The following FLACC1 variants were observed in gnomAD, a reference collection of about 807,000 sequenced individuals.
The protein encoded by FLACC1 is flagellum-associated coiled-coil domain-containing protein 1.
In FLACC1, 66 loss-of-function variants were observed where a neutral mutation model predicts 62.8. The observed-to-expected ratio is 1.05, with a 90% CI of 0.86 to 1.29. The LOEUF is 1.29. Ranked by LOEUF, FLACC1 falls within the 50% of genes most tolerant of loss-of-function variation. The pLI, the probability that FLACC1 is intolerant of heterozygous loss-of-function variation, is 0.00. For missense variants in FLACC1, 452 were observed against 489.1 expected, an observed-to-expected ratio of 0.92 and a Z score of 0.71; for synonymous variants, 156 against 161.0, an observed-to-expected ratio of 0.97 and a Z score of 0.24.
intron 11 of FLACC1, among the ~76,000 whole-genome samples, chr2:201,306,769 A>C (rs1350119704): frequency 6.6e-6 from 1 of 151,480 alleles, no homozygotes; most frequent in Admixed American, 6.6e-5. Flanking sequence ...GACAATATTT[A>C]CAACATGTAT....
chr2:201,336,013 A>G (rs1210575532), intron 7 of FLACC1, among the ~76,000 whole-genome samples: 1 of 151,644 alleles, frequency 6.6e-6, no homozygotes, highest in Non-Finnish European at 1.5e-5. Flanking sequence ...TTCCGTTTTT[A>G]TTTTAGGTTT....
chr2:201,359,633 A>G (rs1419464969), upstream of FLACC1, among the ~76,000 whole-genome samples: 3 of 152,184 alleles, frequency 2.0e-5, no homozygotes, highest in African/African-American at 4.8e-5. Context: ...AGGCAGTGCT[A>G]TCAGAGTTGG....
intron 9 of FLACC1, among the ~76,000 whole-genome samples, chr2:201,328,365 T>C (rs911672714): frequency 6.6e-6 from 1 of 152,074 alleles, no homozygotes; most frequent in African/African-American, 2.4e-5. Flanking sequence ...TTTTCTTTTC[T>C]TTTATATAAT....
chr2:201,291,972 GA>G (rs1353544438), intron 12 of FLACC1, among the ~76,000 whole-genome samples: 1 of 151,770 alleles, frequency 6.6e-6, no homozygotes. Flanking sequence ...GAGAAGTTTA[GA>G]AAAAAAAGAA....
At chr2:201,361,111 C>T (rs1951182761), upstream of FLACC1, among the ~76,000 whole-genome samples, 1 of 152,054 alleles carries the variant, frequency 6.6e-6, no homozygotes, top group Admixed American at 6.6e-5. Context: ...AAAACAAAAA[C>T]ACACGGGCCC....
chr2:201,324,483 T>G (rs1950465765), intron 9 of FLACC1, among the ~76,000 whole-genome samples: 1 of 152,174 alleles, frequency 6.6e-6, no homozygotes, highest in Admixed American at 6.5e-5. Flanking sequence ...AAAATGGACT[T>G]AAATGACATG....
intron 12 of FLACC1, among the ~76,000 whole-genome samples, chr2:201,291,817 A>G (rs1949742129): frequency 6.6e-6 from 1 of 152,228 alleles, no homozygotes; most frequent in Non-Finnish European, 1.5e-5. Context: ...TAACCAATGC[A>G]GAGAAGTCCT....
chr2:201,317,909 T>C (rs367956413), intron 9 of FLACC1, among the ~76,000 whole-genome samples: 2 of 152,196 alleles, frequency 1.3e-5, no homozygotes, highest in East Asian at 1.9e-4. Flanking sequence ...CATAGACCAA[T>C]GGAACAGAAC....
At chr2:201,363,187 T>C in the FLACC1 span, among the ~76,000 whole-genome samples, 51 of 151,594 alleles carry the variant, frequency 3.4e-4, no homozygotes, top group East Asian at 8.4e-3. Flanking sequence ...ACAGCGTGGC[T>C]CTCTCTGCTC....
intron 9 of FLACC1, among the ~76,000 whole-genome samples, chr2:201,325,570 G>A (rs1950486635): frequency 6.6e-6 from 1 of 152,004 alleles, no homozygotes; most frequent in African/African-American, 2.4e-5. Context: ...AAAACCTAGA[G>A]GAAATAGACA....
intron 7 of FLACC1, 117 bp downstream of exon 7, chr2:201,342,253 C>T: frequency 9.7e-7 from 1 of 1,029,710 alleles, no homozygotes; most frequent in Non-Finnish European, 1.5e-6. Flanking sequence ...CTCCCCCACC[C>T]TTCATCCCCC....
chr2:201,348,029 A>T, intron 4 of FLACC1: 1 of 434,800 alleles, frequency 2.3e-6, no homozygotes. Flanking sequence ...GCAAGGCAGG[A>T]GAGAGTGGCA....
chr2:201,364,075 G>A, the FLACC1 span, among the ~76,000 whole-genome samples: 3 of 152,140 alleles, frequency 2.0e-5, no homozygotes, highest in African/African-American at 4.8e-5. Context: ...CCATAAACAA[G>A]GATCAAGTAT....
At position 201,346,071 on chromosome 2, in the gene FLACC1, G is replaced by A. The variant is rs1417519154; in HGVS notation, c.368+471C>T. ...TCCTAGCTACTCAAGAGGTTGAGGCGTGAGAATAGCTTAAACCTGGGAGGC... is the reference window on the plus strand; with the variant it reads ...TCCTAGCTACTCAAGAGGTTGAGGCATGAGAATAGCTTAAACCTGGGAGGC... On this transcript the variant is annotated intron_variant, in intron 5 of 14. Transcript: ENST00000392257. This position sits in a 1 kb window ranked among gnomAD's most constrained non-coding sequence, Gnocchi z 4.0. 5.9e-5 allele frequency among the ~76,000 whole-genome samples: 9 copies of A among 152,018 alleles called. No individual in the cohort carries two copies. The highest frequency in any genetic ancestry group is 8.8e-5 in the Non-Finnish European group (6 of 67,998).
rs1242482102 is a variant in FLACC1, at chr2:201,346,484, C to T, written c.368+58G>A. ...AGCGGCTTTGGCTTGTCCCTGAGGC[C>T]GGGCTGAGCTGGGTGGGAGTAGCCC... On this transcript the variant is annotated intron_variant, in intron 5 of 14. Transcript: ENST00000392257. The surrounding 1 kb of genome is among the most constrained non-coding windows in gnomAD (Gnocchi z 4.0). 5.0e-6 allele frequency: 8 copies of T among 1,600,250 alleles called. No homozygotes were observed. Among genetic ancestry groups the T allele is most frequent in the African/African-American group, 2.7e-5 (2 of 74,840 alleles).
At chr2:201,338,649 T>C (rs1253557004) in intron 7 of FLACC1, among the ~76,000 whole-genome samples, 1 of 152,232 alleles carries the variant, frequency 6.6e-6, no homozygotes, top group Non-Finnish European at 1.5e-5. Context: ...ATGCTTTTTC[T>C]GCATCTATTG....
chr2:201,334,594 A>AG (rs754989896), intron 7 of FLACC1, among the ~76,000 whole-genome samples: 3 of 151,980 alleles, frequency 2.0e-5, no homozygotes, highest in Non-Finnish European at 4.4e-5. Context: ...GACCAGCCTG[A>AG]GCAACATGGA....
In FLACC1 at chr2:201,296,458, A is replaced by G. The variant is rs186586615; in HGVS notation, c.942+2780T>C. Among the ~76,000 whole-genome samples the G allele has an allele frequency of 3.5e-3, 501 of 144,588 alleles. 4 individuals are homozygous for G. The highest frequency in any genetic ancestry group is 0.012 in the African/African-American group (479 of 38,946). The allele number at this position is 144,588 out of a possible 152,430, so 94.9% of individuals were successfully genotyped here. ...GTTCTTGCTCAGAGGTGGGAATTGA[A>G]CAATGAGAACACATGGACACAGGAA... On this transcript the variant is annotated intron_variant, in intron 12 of 14. Coordinates refer to ENST00000392257, the MANE Select transcript of FLACC1 (RefSeq NM_001127391.3).
chr2:201,346,705 G>A lies in FLACC1; in HGVS notation c.235-30C>T, dbSNP rs1338850667. On this transcript the variant is annotated intron_variant, in intron 4 of 14. Coordinates refer to ENST00000392257, the MANE Select transcript of FLACC1 (RefSeq NM_001127391.3). The surrounding 1 kb of genome is among the most constrained non-coding windows in gnomAD (Gnocchi z 4.0). ...GCATCAAGGGAAAGTAAGATAAAAT[G>A]GCAGACTTGGAGTGCTGAGATTTTT... is the stretch of plus-strand genomic sequence containing the variant. The A allele has an allele frequency of 2.5e-6, 4 of 1,613,224 alleles. No individual in the cohort carries two copies. The highest frequency in any genetic ancestry group is 3.4e-6 in the Non-Finnish European group (4 of 1,179,916).
Sources: allele counts gnomAD v4.1 joint callset (sites outside exome capture counted in the v4.1 genomes callset), GRCh38; gene constraint gnomAD v4.1.1; non-coding constraint Gnocchi (gnomAD v3.1); transcripts MANE v1.5; gene names NCBI Gene and HGNC (gene_info 2026-07-23, HGNC 2026-07-21).